The following DSCAM variants were observed in gnomAD, a reference collection of about 807,000 sequenced individuals.
The protein encoded by DSCAM is DS cell adhesion molecule.
A neutral mutation model predicts 217.7 loss-of-function variants in DSCAM; 47 were observed. The ratio of observed to expected loss-of-function variants is 0.22; its 90% CI spans 0.17 to 0.28. The LOEUF (loss-of-function observed/expected upper bound fraction) is 0.28. DSCAM is among the 10% of genes least tolerant of loss of function. DSCAM has a pLI of 1.00. For missense variants in DSCAM, 2,080 were observed against 2,618.3 expected (o/e 0.79, Z 4.49); for synonymous variants, 1,056 against 1,015.3 (o/e 1.04, Z -0.76).
chr21:40,357,606 T>C (rs1484831641), intron 4 of DSCAM, among the ~76,000 whole-genome samples: 1 of 152,166 alleles, frequency 6.6e-6, no homozygotes, highest in Non-Finnish European at 1.5e-5. Context: ...ATAATATGTA[T>C]TACTTGGGGT....
intron 3 of DSCAM, among the ~76,000 whole-genome samples, chr21:40,586,160 G>A (rs1314575152): frequency 6.6e-6 from 1 of 152,084 alleles, no homozygotes; most frequent in African/African-American, 2.4e-5. Flanking sequence ...CCTGGTCCGT[G>A]CTCTTTTGTT....
intron 10 of DSCAM, among the ~76,000 whole-genome samples, chr21:40,291,767 A>AC (rs542549853): frequency 1.3e-3 from 205 of 151,928 alleles, no homozygotes; most frequent in Non-Finnish European, 2.2e-3. Context: ...CTCCAGCGTC[A>AC]CCCCCCAGGC....
At chr21:40,601,707 A>AT (rs2077063141) in intron 3 of DSCAM, among the ~76,000 whole-genome samples, 2 of 152,118 alleles carry the variant, frequency 1.3e-5, no homozygotes, top group African/African-American at 4.8e-5. Context: ...TTGCTGAGAC[A>AT]TTTTTATCAT....
rs547603077 is a variant in DSCAM at position 40,413,903 on chromosome 21, G to GA, written c.509-44659dup. Among the ~76,000 whole-genome samples, 16 of 151,932 alleles carry GA rather than the reference G, an allele frequency of 1.1e-4. No homozygotes were observed. The East Asian group carries it at 2.1e-3, about 20-fold the overall frequency. ...CTGGAATATGTGAACATACATAGGG[G>GA]AAAAAAAACTAAGAAATCTGTATGG... On this transcript the variant is annotated intron_variant, in intron 3 of 32. Coordinates refer to ENST00000400454, the MANE Select transcript of DSCAM (RefSeq NM_001389.5).
intron 1 of DSCAM, among the ~76,000 whole-genome samples, chr21:40,717,421 G>C (rs1159723700): frequency 6.6e-6 from 1 of 152,246 alleles, no homozygotes; most frequent in African/African-American, 2.4e-5. Flanking sequence ...GCCAATGGTG[G>C]AAACAGCCTA....
intron 11 of DSCAM, among the ~76,000 whole-genome samples, chr21:40,258,928 G>A (rs1194646818): frequency 6.6e-6 from 1 of 152,198 alleles, no homozygotes; most frequent in Non-Finnish European, 1.5e-5. Flanking sequence ...TGTCTCCTTT[G>A]TTTGGTGTAC....
intron 20 of DSCAM, among the ~76,000 whole-genome samples, chr21:40,119,463 A>G (rs1568950502): frequency 6.6e-6 from 1 of 152,164 alleles, no homozygotes; most frequent in Non-Finnish European, 1.5e-5. Context: ...TAAGCTGGAA[A>G]TATAGGACTG....
At position 40,069,234 on chromosome 21, in the gene DSCAM, TG is replaced by T. The variant is rs959385613; in HGVS notation, c.4888+5802del. 5.3e-5 allele frequency among the ~76,000 whole-genome samples: 8 copies of T among 152,174 alleles called. No individual in the cohort carries two copies. In the South Asian group the frequency reaches 1.0e-3, roughly 20 times the overall value. On this transcript the variant is annotated intron_variant, in intron 27 of 32. Transcript: ENST00000400454. ...TGGAGAAGAAAGAGGAGCGAAACAA[TG>T]GGAAGCATTAGTAGCCTGTGGATTA...
At chr21:40,402,164 A>T (rs2075241604) in intron 3 of DSCAM, among the ~76,000 whole-genome samples, 1 of 132,834 alleles carries the variant, frequency 7.5e-6, no homozygotes, top group South Asian at 2.4e-4. Context: ...GGTTCACGTC[A>T]TTCTCCTGCC....
At chr21:40,553,680 A>T (rs1053087286) in intron 3 of DSCAM, among the ~76,000 whole-genome samples, 1 of 152,190 alleles carries the variant, frequency 6.6e-6, no homozygotes, top group Non-Finnish European at 1.5e-5. Context: ...CCAAGATAAC[A>T]CATCCGTTTG....
intron 11 of DSCAM, among the ~76,000 whole-genome samples, chr21:40,237,202 A>C (rs2073090977): frequency 6.6e-6 from 1 of 152,166 alleles, no homozygotes. Flanking sequence ...TTCCTTCTGG[A>C]GGCACTAAAG....
intron 20 of DSCAM, among the ~76,000 whole-genome samples, chr21:40,094,443 G>C (rs1258661448): frequency 6.6e-6 from 1 of 152,182 alleles, no homozygotes; most frequent in East Asian, 1.9e-4. Flanking sequence ...TCACAAGGAA[G>C]AGCACTGGAA....
At chr21:40,064,675 G>A (rs541661794) in intron 27 of DSCAM, among the ~76,000 whole-genome samples, 6 of 152,226 alleles carry the variant, frequency 3.9e-5, no homozygotes, top group Non-Finnish European at 7.4e-5. Flanking sequence ...TGCCATGAAT[G>A]GGCAGTGTGC....
In DSCAM at chr21:40,012,905, C is replaced by CCCT; in HGVS notation, c.*128_*129insAGG. On this transcript the variant is annotated 3_prime_UTR_variant, in exon 33 of 33. Transcript: ENST00000400454. The stretch of plus-strand genomic sequence containing the variant: ...GCACTGTCTGTGGTTTCAGTATTTT[C>CCCT]TCTTTTTTTTTTTTAATATATTTTG... The CCCT allele has an allele frequency of 1.6e-6, 1 of 614,942 alleles. No individual in the cohort carries two copies. The highest frequency in any genetic ancestry group is 2.3e-6 in the Non-Finnish European group (1 of 432,676). The allele number at this position is 614,942 out of a possible 1,614,324, so 38.1% of individuals were successfully genotyped here. A position where few individuals can be genotyped will look rare whatever the true frequency, so the allele number is the denominator to read the frequency against.
chr21:40,492,111 A>C (rs1429970863), intron 3 of DSCAM, among the ~76,000 whole-genome samples: 1 of 152,046 alleles, frequency 6.6e-6, no homozygotes, highest in Non-Finnish European at 1.5e-5. Context: ...TCTTTCAAAT[A>C]AATCAAGTGA....
At position 40,044,066 on chromosome 21, in the gene DSCAM, G is replaced by T. The variant is rs147222171; in HGVS notation, c.5383+12C>A. 6.2e-7 allele frequency: 1 copy of T among 1,612,898 alleles called. No homozygotes were observed. Among genetic ancestry groups the T allele is most frequent in the Non-Finnish European group, 8.5e-7 (1 of 1,179,970 alleles). On this transcript the variant is annotated intron_variant, in intron 31 of 32. Coordinates refer to ENST00000400454, the MANE Select transcript of DSCAM (RefSeq NM_001389.5). The stretch of plus-strand genomic sequence containing the variant: ...GGTCCCCAGGGACGGAGGAGGCAGC[G>T]TCAGGGCCTACCTGTGTCTTGCGAG...
intron 8 of DSCAM, among the ~76,000 whole-genome samples, chr21:40,331,553 C>T (rs984773153): frequency 6.6e-6 from 1 of 152,124 alleles, no homozygotes; most frequent in Non-Finnish European, 1.5e-5. Context: ...AGGATTTTAA[C>T]GTCAAAATGT....
Position 40,298,338 on chromosome 21 carries a change from CCCA to C in DSCAM, c.2063-2167_2063-2165del, listed in dbSNP as rs1219531038. 1.3e-3 allele frequency among the ~76,000 whole-genome samples: 191 copies of C among 152,114 alleles called. 1 individual carries two copies. Among genetic ancestry groups the C allele is most frequent in the Middle Eastern group, 6.8e-3 (2 of 294 alleles). ...TCTCGTGATCCACCAGCCTCAGCCTCCCAAAGTGCTGGGATTACAGGCGTGAGC... is the reference window on the plus strand; with the variant it reads ...TCTCGTGATCCACCAGCCTCAGCCTCAAGTGCTGGGATTACAGGCGTGAGC... On this transcript the variant is annotated intron_variant, in intron 9 of 32. Coordinates refer to ENST00000400454, the MANE Select transcript of DSCAM (RefSeq NM_001389.5).
intron 11 of DSCAM, among the ~76,000 whole-genome samples, chr21:40,256,629 C>T (rs1282443288): frequency 2.0e-5 from 3 of 152,148 alleles, no homozygotes; most frequent in Non-Finnish European, 4.4e-5. Flanking sequence ...GGACTTCAGT[C>T]TGTTTTTCTA....
Sources: allele counts gnomAD v4.1 joint callset (sites outside exome capture counted in the v4.1 genomes callset), GRCh38; gene constraint gnomAD v4.1.1; transcripts MANE v1.5; gene names NCBI Gene and HGNC (gene_info 2026-07-23, HGNC 2026-07-21).